UNC5D: variants seen among roughly 807,000 people sequenced by gnomAD.
The protein encoded by UNC5D is unc-5 netrin receptor D, also known as netrin receptor UNC5D.
A neutral mutation model predicts 105.4 loss-of-function variants in UNC5D; 39 were observed. The ratio of observed to expected loss-of-function variants is 0.37; its 90% CI spans 0.29 to 0.48. The LOEUF is 0.48. UNC5D is among the 20% of genes least tolerant of loss of function. The pLI is 0.98. For missense variants in UNC5D, 991 were observed against 1,202.4 expected (o/e 0.82, Z 2.60); for synonymous variants, 452 against 450.4 (o/e 1.00, Z -0.04).
intron 1 of UNC5D, among the ~76,000 whole-genome samples, chr8:35,412,780 G>A (rs1344656590): frequency 6.6e-6 from 1 of 152,058 alleles, no homozygotes; most frequent in Non-Finnish European, 1.5e-5. Flanking sequence ...ATCAGGTGTG[G>A]GAGATGGCTC....
intron 1 of UNC5D, among the ~76,000 whole-genome samples, chr8:35,536,887 T>G (rs1466046346): frequency 2.0e-5 from 3 of 152,036 alleles, no homozygotes; most frequent in African/African-American, 7.2e-5. Context: ...TCCCAGCTAC[T>G]CGGGAGGCTG....
intron 1 of UNC5D, among the ~76,000 whole-genome samples, chr8:35,250,571 C>T (rs1045355716): frequency 5.9e-5 from 9 of 152,016 alleles, no homozygotes; most frequent in South Asian, 2.1e-4. Context: ...CTCGGCTCAC[C>T]GCAACCTCCG....
At chr8:35,654,044 G>T (rs900691636) in intron 4 of UNC5D, among the ~76,000 whole-genome samples, 1 of 152,086 alleles carries the variant, frequency 6.6e-6, no homozygotes. Context: ...GAGAGAATTT[G>T]TAAATTGTTT....
intron 14 of UNC5D, among the ~76,000 whole-genome samples, chr8:35,760,484 C>G (rs1449243022): frequency 6.6e-6 from 1 of 152,066 alleles, no homozygotes; most frequent in Non-Finnish European, 1.5e-5. Context: ...ATTTCAAGTA[C>G]ATGCTTAGCC....
chr8:35,307,470 A>G, intron 1 of UNC5D, among the ~76,000 whole-genome samples: 1 of 152,202 alleles, frequency 6.6e-6, no homozygotes. Flanking sequence ...TGGTTCAGAC[A>G]ACTGCTGTTT....
intron 1 of UNC5D, among the ~76,000 whole-genome samples, chr8:35,316,079 G>T (rs544674308): frequency 9.1e-4 from 138 of 152,262 alleles, no homozygotes; most frequent in African/African-American, 3.2e-3. Context: ...CTGACCAACC[G>T]ACTAGGCAGT....
intron 1 of UNC5D, among the ~76,000 whole-genome samples, chr8:35,548,666 C>T (rs545171728): frequency 1.2e-4 from 19 of 152,260 alleles, no homozygotes; most frequent in Middle Eastern, 3.4e-3. Context: ...TTCTCACCAG[C>T]GGAAGGTTGC....
At chr8:35,617,980 G>T (rs984115730) in intron 4 of UNC5D, among the ~76,000 whole-genome samples, 32 of 152,282 alleles carry the variant, frequency 2.1e-4, no homozygotes, top group African/African-American at 7.0e-4. Context: ...TCCTCTGTGG[G>T]CTGCCAGCAC....
At chr8:35,513,645 G>A (rs964421610) in intron 1 of UNC5D, among the ~76,000 whole-genome samples, 7 of 152,136 alleles carry the variant, frequency 4.6e-5, no homozygotes, top group Non-Finnish European at 1.5e-5. Flanking sequence ...ACATACCATA[G>A]ACTTGTTAAA....
intron 4 of UNC5D, among the ~76,000 whole-genome samples, chr8:35,640,811 C>T (rs1248485587): frequency 6.6e-6 from 1 of 152,058 alleles, no homozygotes; most frequent in Non-Finnish European, 1.5e-5. Flanking sequence ...ATGGCTAAGT[C>T]CAGCTATACA....
rs1291508727 is a variant in UNC5D, at chr8:35,498,336, C to T, written c.104-50956C>T. Reference sequence around the variant, plus strand: ...TATATTAAAGACTGGGTGACAAACCCAGTGAAAAGATGCAAAACCATCCTT... The same window carrying T: ...TATATTAAAGACTGGGTGACAAACCTAGTGAAAAGATGCAAAACCATCCTT... On this transcript the variant is annotated intron_variant, in intron 1 of 16. Coordinates refer to ENST00000404895, the MANE Select transcript of UNC5D (RefSeq NM_080872.4). Among the ~76,000 whole-genome samples, 6 of 151,418 alleles carry T rather than the reference C, an allele frequency of 4.0e-5. No homozygotes were observed. In the East Asian group the frequency reaches 9.8e-4, roughly 25 times the overall value.
intron 1 of UNC5D, among the ~76,000 whole-genome samples, chr8:35,305,114 A>G (rs541292868): frequency 6.6e-6 from 1 of 152,282 alleles, no homozygotes; most frequent in South Asian, 2.1e-4. Flanking sequence ...TTAAGAAATA[A>G]GCAAATTATG....
chr8:35,387,330 TCCAGCCTG>T (rs1218788832), intron 1 of UNC5D, among the ~76,000 whole-genome samples: 1 of 135,236 alleles, frequency 7.4e-6, no homozygotes, highest in East Asian at 2.2e-4. Flanking sequence ...GCCACTGCAC[TCCAGCCTG>T]GGCGACACAG....
At chr8:35,432,089 T>A (rs1263363566) in intron 1 of UNC5D, among the ~76,000 whole-genome samples, 1 of 152,152 alleles carries the variant, frequency 6.6e-6, no homozygotes, top group Non-Finnish European at 1.5e-5. Context: ...ATACCTGAGT[T>A]GGAATTCTGG....
At chr8:35,365,118 A>G (rs1408658319) in intron 1 of UNC5D, among the ~76,000 whole-genome samples, 1 of 152,146 alleles carries the variant, frequency 6.6e-6, no homozygotes, top group Non-Finnish European at 1.5e-5. Flanking sequence ...TCAGATATAC[A>G]TGAGAAGTTA....
intron 1 of UNC5D, among the ~76,000 whole-genome samples, chr8:35,402,919 G>T (rs547492797): frequency 6.6e-6 from 1 of 152,096 alleles, no homozygotes; most frequent in Non-Finnish European, 1.5e-5. Context: ...ATCTGGTGCT[G>T]CCCCACTCTT....
intron 4 of UNC5D, among the ~76,000 whole-genome samples, chr8:35,675,390 G>A (rs1225751127): frequency 6.6e-6 from 1 of 152,168 alleles, no homozygotes; most frequent in Non-Finnish European, 1.5e-5. Context: ...CCTTAGATGG[G>A]AGATACTTGA....
At chr8:35,270,193 C>T (rs898143785) in intron 1 of UNC5D, among the ~76,000 whole-genome samples, 1 of 152,106 alleles carries the variant, frequency 6.6e-6, no homozygotes, top group Non-Finnish European at 1.5e-5. Context: ...TCCTCCTGTA[C>T]TGTTTGTGTT....
chr8:35,699,815 A>G (rs1827060637), intron 7 of UNC5D, among the ~76,000 whole-genome samples: 1 of 152,232 alleles, frequency 6.6e-6, no homozygotes, highest in African/African-American at 2.4e-5. Context: ...ATTGCTGACC[A>G]AGATCTTTAA....
Sources: gnomAD v4.1 joint callset for allele counts (sites outside exome capture counted in the v4.1 genomes callset) on GRCh38, gnomAD v4.1.1 for gene constraint, MANE v1.5 for transcripts, NCBI Gene and HGNC (gene_info 2026-07-23, HGNC 2026-07-21) for gene names.